Variants in ABI3BP observed in about 807,000 individuals in gnomAD.
The protein encoded by ABI3BP is target of Nesh-SH3.
ABI3BP carries 216 observed loss-of-function variants against 268.6 expected under a neutral mutation model. The ratio of observed to expected loss-of-function variants is 0.80; its 90% CI spans 0.72 to 0.90. The LOEUF (loss-of-function observed/expected upper bound fraction) is 0.90, where lower values mean the gene tolerates loss of function less well. ABI3BP is among the 40% of genes least tolerant of loss of function. ABI3BP has a pLI of 0.00. For synonymous variants in ABI3BP, 730 were observed against 730.0 expected, an observed-to-expected ratio of 1.00 and a Z score of 0.00; for missense variants, 2,090 against 2,182.4, an observed-to-expected ratio of 0.96 and a Z score of 0.84.
chr3:100,841,428 A>G (rs1237364463), intron 21 of ABI3BP, among the ~76,000 whole-genome samples: 2 of 152,050 alleles, frequency 1.3e-5, no homozygotes, highest in Admixed American at 6.6e-5. Flanking sequence ...AACAGGTTAG[A>G]ACAAGCTCAG....
At chr3:100,807,833 C>T (rs552132456) in intron 50 of ABI3BP, among the ~76,000 whole-genome samples, 60 of 152,098 alleles carry the variant, frequency 3.9e-4, no homozygotes, top group African/African-American at 1.4e-3. Context: ...GAAGCACATT[C>T]AGGAATAGTG....
intron 43 of ABI3BP, 107 bp downstream of exon 43, chr3:100,816,581 A>G: frequency 2.2e-6 from 2 of 904,390 alleles, no homozygotes; most frequent in Non-Finnish European, 3.5e-6. Flanking sequence ...CTTAGAAAAC[A>G]TGATGACTGT....
intron 55 of ABI3BP, among the ~76,000 whole-genome samples, chr3:100,790,652 T>C (rs1414406528): frequency 6.6e-6 from 1 of 151,966 alleles, no homozygotes; most frequent in African/African-American, 2.4e-5. Flanking sequence ...CCTTCCCAAG[T>C]ATAATAACCA....
At chr3:100,869,330 G>GGTTTTTTTTTTTTTTTTTTTTT (rs2099085420) in intron 9 of ABI3BP, among the ~76,000 whole-genome samples, 2 of 49,754 alleles carry the variant, frequency 4.0e-5, no homozygotes, top group African/African-American at 8.2e-5. Flanking sequence ...CTTCTTTTTG[G>GGTTTTTTTTTTTTTTTTTTTTT]TTTTTTTTTT....
chr3:100,882,475 C>A (rs1005974332), intron 6 of ABI3BP, among the ~76,000 whole-genome samples: 1 of 148,714 alleles, frequency 6.7e-6, no homozygotes, highest in Admixed American at 6.7e-5. Context: ...TTTTGCTGTC[C>A]AGAAGGAAAC....
chr3:100,773,386 C>T (rs1394885090), intron 61 of ABI3BP, among the ~76,000 whole-genome samples: 2 of 152,052 alleles, frequency 1.3e-5, no homozygotes, highest in Admixed American at 1.3e-4. Flanking sequence ...TAAGTGGTTG[C>T]AAATTAAAAC....
chr3:100,839,208 G>A (rs914142918), intron 24 of ABI3BP, among the ~76,000 whole-genome samples: 4 of 152,208 alleles, frequency 2.6e-5, no homozygotes, highest in Admixed American at 2.0e-4. Flanking sequence ...GCAATGAAAT[G>A]CTAACCATGG....
intron 17 of ABI3BP, among the ~76,000 whole-genome samples, chr3:100,849,479 C>T (rs1451719724): frequency 6.6e-6 from 1 of 152,136 alleles, no homozygotes; most frequent in Admixed American, 6.5e-5. Context: ...CTGCCTTGGC[C>T]TCCCAAAGTG....
intron 62 of ABI3BP, 148 bp downstream of exon 62, chr3:100,770,595 A>G (rs2096515696): frequency 3.6e-6 from 2 of 552,064 alleles, no homozygotes; most frequent in East Asian, 6.7e-5. Context: ...ATTGTTGACA[A>G]TAATGTGCCT....
chr3:100,860,901 G>C (rs2098990879), intron 14 of ABI3BP, among the ~76,000 whole-genome samples: 2 of 152,152 alleles, frequency 1.3e-5, no homozygotes, highest in Admixed American at 1.3e-4. Context: ...GGCTGTCACG[G>C]TGCAGCAGAT....
chr3:100,937,805 C>A (rs1381404578), intron 1 of ABI3BP, among the ~76,000 whole-genome samples: 1 of 151,986 alleles, frequency 6.6e-6, no homozygotes, highest in Non-Finnish European at 1.5e-5. Context: ...GTTCCAATGC[C>A]TTTATGGTCA....
In ABI3BP at chr3:100,844,090, G is replaced by A. The variant is rs1211806223; in HGVS notation, c.1724-2051C>T. On this transcript the variant is annotated intron_variant, in intron 20 of 67. Transcript: ENST00000471714. ...ACGCCTTCTATTTGACAATCATAAG[G>A]TATTATAGGTAAAGGTATAAAATGT... The A allele has an allele frequency of 3.1e-6, 3 of 982,126 alleles. No individual in the cohort carries two copies. In the African/African-American group the frequency reaches 5.2e-5, roughly 17 times the overall value. 60.8% of individuals were successfully genotyped at this position (982,126 alleles called of 1,614,324 possible). A position where few individuals can be genotyped will look rare whatever the true frequency, so the allele number is the denominator to read the frequency against.
chr3:100,857,592 A>G (rs997163074), intron 14 of ABI3BP, among the ~76,000 whole-genome samples: 8 of 152,208 alleles, frequency 5.3e-5, no homozygotes, highest in Admixed American at 4.6e-4. Flanking sequence ...TGGAAGGCAC[A>G]TGGCCCCAGT....
At chr3:100,838,308 A>G (rs2098635960) in intron 25 of ABI3BP, 24 bp from the exon 26 acceptor site, 3 of 1,534,248 alleles carry the variant, frequency 2.0e-6, no homozygotes, top group Non-Finnish European at 2.6e-6. Flanking sequence ...GAGTGCCATA[A>G]TTAGTGTTAC....
chr3:100,812,445 TC>T (rs2097885484), intron 46 of ABI3BP, 21 bp downstream of exon 46: 3 of 1,298,808 alleles, frequency 2.3e-6, no homozygotes, highest in Non-Finnish European at 2.9e-6. Flanking sequence ...ATGCTTGACT[TC>T]CCATTGGGGA....
In ABI3BP at chr3:100,754,543, C is replaced by A. The variant is rs912977316; in HGVS notation, c.4930+69G>T. Reference sequence around the variant, plus strand: ...CATGTAGTGGGTTTCAAACAAACTTCCTACGCAAAACATTGCTCCACTGTG... The same window carrying A: ...CATGTAGTGGGTTTCAAACAAACTTACTACGCAAAACATTGCTCCACTGTG... On this transcript the variant is annotated intron_variant, in intron 64 of 67. Transcript: ENST00000471714. 4.2e-6 allele frequency: 6 copies of A among 1,445,054 alleles called. No individual in the cohort carries two copies. The African/African-American group carries it at 4.2e-5, about 10-fold the overall frequency. 89.5% of individuals were successfully genotyped at this position (1,445,054 alleles called of 1,614,324 possible).
In ABI3BP at chr3:100,818,556, A is replaced by C. The variant is rs1318042882; in HGVS notation, c.3057T>G (p.Gly1019=). The C allele has an allele frequency of 2.0e-6, 3 of 1,535,506 alleles. No individual in the cohort carries two copies. The highest frequency in any genetic ancestry group is 2.6e-6 in the Non-Finnish European group (3 of 1,146,518). The part of the protein sequence containing the change: ...KLVPSTDLEP[G]TLRTEAPKTM... ...TTTTTGGAGCTTCAGTTCTGAGAGT[A>C]CCAGGTTCAAGATCTGTAGAAGGAA... Residue 1019 remains glycine (G), a synonymous_variant, in exon 41 of 68, where the codon GGT becomes GGG. Coordinates refer to ENST00000471714, the MANE Select transcript of ABI3BP (RefSeq NM_001375547.2).
At chr3:100,921,715 G>A (rs1042242446) in intron 2 of ABI3BP, among the ~76,000 whole-genome samples, 33 of 152,108 alleles carry the variant, frequency 2.2e-4, no homozygotes. Context: ...ATGGCAAAAG[G>A]AAGGTTTTAT....
At chr3:100,773,091 A>G (rs569190459) in intron 61 of ABI3BP, among the ~76,000 whole-genome samples, 2 of 151,652 alleles carry the variant, frequency 1.3e-5, no homozygotes, top group East Asian at 1.9e-4. Context: ...AAAAAAAAAA[A>G]AAAGAAAAGA....
Sources: allele counts gnomAD v4.1 joint callset (sites outside exome capture counted in the v4.1 genomes callset), GRCh38; gene constraint gnomAD v4.1.1; transcripts MANE v1.5; gene names NCBI Gene and HGNC (gene_info 2026-07-23, HGNC 2026-07-21).